The following RP1 variants were observed in gnomAD, a reference collection of about 807,000 sequenced individuals.
RP1 encodes the protein RP1 axonemal microtubule associated.
Under a neutral mutation model 14.8 loss-of-function variants are expected in RP1, and 16 were observed. The observed-to-expected ratio is 1.08, with a 90% CI of 0.73 to 1.65. The LOEUF is 1.65. Among genes scored for constraint, RP1 ranks in the 40% most tolerant of loss-of-function variants. The pLI is 0.00. For synonymous variants in RP1, 876 were observed against 883.6 expected, an observed-to-expected ratio of 0.99 and a Z score of 0.15; for missense variants, 2,631 against 2,535.0, an observed-to-expected ratio of 1.04 and a Z score of -0.81.
chr8:54,843,006 A>C (rs535192788), intron 25 of RP1, among the ~76,000 whole-genome samples: 1 of 151,888 alleles, frequency 6.6e-6, no homozygotes, highest in East Asian at 1.9e-4. Context: ...AAGAAACTCC[A>C]CTCCCCTCCC....
exon 24 of RP1, chr8:54,783,591 G>C: frequency 8.1e-7 from 1 of 1,231,666 alleles, no homozygotes; most frequent in Non-Finnish European, 1.0e-6. Context: ...TCTTGAAAAT[G>C]CCGGCACCAC....
chr8:54,800,188 C>G (rs1386478513), intron 24 of RP1, among the ~76,000 whole-genome samples: 1 of 151,948 alleles, frequency 6.6e-6, no homozygotes, highest in Non-Finnish European at 1.5e-5. Flanking sequence ...TGCATTTATT[C>G]CAAAAAGAGT....
intron 24 of RP1, among the ~76,000 whole-genome samples, chr8:54,796,797 T>G (rs1810585488): frequency 6.6e-6 from 1 of 152,154 alleles, no homozygotes. Flanking sequence ...CCACCCAGTT[T>G]GTTATGAAAA....
At chr8:54,685,267 G>A (rs1464955072) in intron 12 of RP1, among the ~76,000 whole-genome samples, 1 of 151,768 alleles carries the variant, frequency 6.6e-6, no homozygotes, top group Non-Finnish European at 1.5e-5. Context: ...TTGATTTGAG[G>A]TCTAACTTTT....
intron 24 of RP1, among the ~76,000 whole-genome samples, chr8:54,797,160 T>C (rs1320259244): frequency 6.6e-6 from 1 of 152,158 alleles, no homozygotes; most frequent in African/African-American, 2.4e-5. Context: ...TATGTAACAC[T>C]GCTGAAGACA....
At chr8:54,580,292 G>C (rs10105352) in intron 1 of RP1, among the ~76,000 whole-genome samples, 2,218 of 146,238 alleles carry the variant, frequency 0.015, 63 homozygotes, top group African/African-American at 0.053. Context: ...TAAATGTATC[G>C]TAGACTTCTT....
intron 15 of RP1, chr8:54,720,125 G>A: frequency 6.6e-7 from 1 of 1,517,364 alleles, no homozygotes. Flanking sequence ...TGTATTGATT[G>A]TAGGGTACAG....
intron 24 of RP1, among the ~76,000 whole-genome samples, chr8:54,795,829 C>A (rs1477712066): frequency 6.6e-6 from 1 of 152,124 alleles, no homozygotes; most frequent in Non-Finnish European, 1.5e-5. Context: ...TGCCTTCAAC[C>A]TGCCAACAGG....
chr8:54,717,578 T>C (rs1808433770), intron 15 of RP1, among the ~76,000 whole-genome samples: 1 of 152,142 alleles, frequency 6.6e-6, no homozygotes, highest in African/African-American at 2.4e-5. Flanking sequence ...TTCAGTAAAC[T>C]ATGAATAGAT....
chr8:54,860,503 T>C (rs992701769), intron 27 of RP1, among the ~76,000 whole-genome samples: 1 of 152,234 alleles, frequency 6.6e-6, no homozygotes, highest in Non-Finnish European at 1.5e-5. Flanking sequence ...TTAGGAATTA[T>C]CTGAGTATCT....
At chr8:54,656,327 T>A in intron 6 of RP1, 1 of 1,109,360 alleles carries the variant, frequency 9.0e-7, no homozygotes, top group Non-Finnish European at 1.2e-6. Flanking sequence ...GGACTGCCAG[T>A]TTCTTATCAC....
At chr8:54,785,288 G>A (rs1478591719) in intron 24 of RP1, among the ~76,000 whole-genome samples, 1 of 152,016 alleles carries the variant, frequency 6.6e-6, no homozygotes, top group East Asian at 1.9e-4. Flanking sequence ...TGTCTGACTT[G>A]TTTTACGTAG....
At chr8:54,695,336 G>A (rs141665568) in intron 12 of RP1, among the ~76,000 whole-genome samples, 11 of 151,810 alleles carry the variant, frequency 7.2e-5, no homozygotes, top group Admixed American at 2.0e-4. Context: ...ATAGTCTTAC[G>A]TGTGGGACTA....
intron 24 of RP1, among the ~76,000 whole-genome samples, chr8:54,823,189 A>G (rs1585722482): frequency 6.6e-6 from 1 of 152,124 alleles, no homozygotes; most frequent in East Asian, 1.9e-4. Context: ...CTGTCCCTTT[A>G]CAGTCACAGC....
At chr8:54,788,446 C>T (rs72650365) in intron 24 of RP1, among the ~76,000 whole-genome samples, 10,768 of 152,066 alleles carry the variant, frequency 0.071, 540 homozygotes, top group Non-Finnish European at 0.11. Flanking sequence ...CCTCTTCCTT[C>T]TTCATCTTCT....
chr8:54,585,306 A>G (rs547621356), intron 1 of RP1, among the ~76,000 whole-genome samples: 6 of 152,186 alleles, frequency 3.9e-5, no homozygotes, highest in Non-Finnish European at 8.8e-5. Flanking sequence ...CTTTTCTTTA[A>G]GAATGTTGAA....
At chr8:54,612,284 G>C (rs1031202700), upstream of RP1, among the ~76,000 whole-genome samples, 1 of 152,190 alleles carries the variant, frequency 6.6e-6, no homozygotes, top group Admixed American at 6.5e-5. Context: ...ATTTGGAGGA[G>C]GGAGTTCTTA....
At chr8:54,806,000 T>G (rs1327597785) in intron 24 of RP1, among the ~76,000 whole-genome samples, 1 of 151,818 alleles carries the variant, frequency 6.6e-6, no homozygotes, top group African/African-American at 2.4e-5. Context: ...GTCAGTGGTG[T>G]TTTTATTATT....
chr8:54,583,011 C>T (rs939035239), intron 1 of RP1, among the ~76,000 whole-genome samples: 4 of 152,130 alleles, frequency 2.6e-5, no homozygotes, highest in African/African-American at 9.7e-5. Context: ...TGCCTGATTG[C>T]CCTGGCCAGA....
Sources: allele counts gnomAD v4.1 joint callset (sites outside exome capture counted in the v4.1 genomes callset), GRCh38; gene constraint gnomAD v4.1.1; transcripts MANE v1.5; gene names NCBI Gene and HGNC (gene_info 2026-07-23, HGNC 2026-07-21).